OR2L13: variants seen among roughly 807,000 people sequenced by gnomAD.
OR2L13 encodes the protein olfactory receptor 2L13.
A neutral mutation model predicts 15.3 loss-of-function variants in OR2L13; 14 were observed. That is an observed-to-expected ratio of 0.91 (90% CI 0.60 to 1.43). The LOEUF (loss-of-function observed/expected upper bound fraction) is 1.43, where lower values mean the gene tolerates loss of function less well. Among genes scored for constraint, OR2L13 ranks in the 40% most tolerant of loss-of-function variants. The pLI is 0.00. For missense variants in OR2L13, 367 were observed against 387.9 expected, an observed-to-expected ratio of 0.95 and a Z score of 0.45; for synonymous variants, 152 against 142.9, an observed-to-expected ratio of 1.06 and a Z score of -0.45.
At chr1:248,043,281 A>C in the OR2L13 span, among the ~76,000 whole-genome samples, 1 of 152,204 alleles carries the variant, frequency 6.6e-6, no homozygotes, top group Non-Finnish European at 1.5e-5. Flanking sequence ...TATCAGAGAC[A>C]GTGAAATGTT....
At chr1:247,973,288 C>T in the OR2L13 span, among the ~76,000 whole-genome samples, 12 of 152,040 alleles carry the variant, frequency 7.9e-5, no homozygotes, top group African/African-American at 2.9e-4. Context: ...GGCAATTAGG[C>T]AAGAGAAAGA....
At chr1:248,070,017 A>T in the OR2L13 span, among the ~76,000 whole-genome samples, 8 of 151,934 alleles carry the variant, frequency 5.3e-5, no homozygotes, top group African/African-American at 1.7e-4. Flanking sequence ...CTCCCACACA[A>T]TAATAATGGG....
the OR2L13 span, among the ~76,000 whole-genome samples, chr1:248,050,185 A>G: frequency 6.6e-6 from 1 of 152,050 alleles, no homozygotes; most frequent in African/African-American, 2.4e-5. Context: ...TGAAATAGTG[A>G]CCAGGACTTT....
the OR2L13 span, among the ~76,000 whole-genome samples, chr1:248,044,512 C>A: frequency 1.6e-5 from 2 of 128,640 alleles, no homozygotes. Context: ...TCCTTAAAAA[C>A]GCCTTCCCCG....
At chr1:248,018,834 G>A in the OR2L13 span, among the ~76,000 whole-genome samples, 1 of 152,120 alleles carries the variant, frequency 6.6e-6, no homozygotes, top group Non-Finnish European at 1.5e-5. Flanking sequence ...CTGGGGTCCA[G>A]CATTCCACTT....
At chr1:248,006,877 C>A in the OR2L13 span, among the ~76,000 whole-genome samples, 1 of 152,306 alleles carries the variant, frequency 6.6e-6, no homozygotes, top group East Asian at 1.9e-4. Flanking sequence ...GTCACTTCGT[C>A]TTAAATTTCA....
chr1:247,979,469 T>C, the OR2L13 span, among the ~76,000 whole-genome samples: 1 of 152,210 alleles, frequency 6.6e-6, no homozygotes, highest in Admixed American at 6.5e-5. Flanking sequence ...GCTTCGTCCA[T>C]GTCCCTGCAA....
chr1:247,965,214 T>G, the OR2L13 span: 18 of 806,602 alleles, frequency 2.2e-5, no homozygotes, highest in African/African-American at 2.9e-4. Context: ...TTTGCCATTT[T>G]GTACCAGAAA....
the OR2L13 span, among the ~76,000 whole-genome samples, chr1:248,013,949 C>T: frequency 3.6e-4 from 55 of 152,030 alleles, no homozygotes; most frequent in African/African-American, 1.2e-3. Flanking sequence ...ATGTGTTTCC[C>T]GGATTGGAAG....
chr1:247,972,207 G>T, the OR2L13 span, among the ~76,000 whole-genome samples: 1 of 152,042 alleles, frequency 6.6e-6, no homozygotes, highest in Non-Finnish European at 1.5e-5. Flanking sequence ...ACAATTAAAA[G>T]AAATAGAGAA....
At chr1:248,060,669 A>G in the OR2L13 span, 2 of 1,598,698 alleles carry the variant, frequency 1.3e-6, no homozygotes, top group South Asian at 2.2e-5. Flanking sequence ...AGGAAAGAGC[A>G]CACGAATGCC....
chr1:248,007,856 G>A, the OR2L13 span, among the ~76,000 whole-genome samples: 2 of 152,138 alleles, frequency 1.3e-5, no homozygotes, highest in Non-Finnish European at 1.5e-5. Flanking sequence ...AAGGACATGA[G>A]TACTCTTTCT....
chr1:248,025,357 A>G, the OR2L13 span, among the ~76,000 whole-genome samples: 7 of 148,128 alleles, frequency 4.7e-5, no homozygotes, highest in Non-Finnish European at 8.9e-5. Context: ...AATGCTCACC[A>G]TCACTGGCCA....
the OR2L13 span, among the ~76,000 whole-genome samples, chr1:248,025,541 C>A: frequency 6.7e-6 from 1 of 149,232 alleles, no homozygotes; most frequent in South Asian, 2.1e-4. Flanking sequence ...GTCAGTGTGG[C>A]GATTCCTCAG....
chr1:247,946,586 G>C, the OR2L13 span, among the ~76,000 whole-genome samples: 1 of 152,146 alleles, frequency 6.6e-6, no homozygotes, highest in Non-Finnish European at 1.5e-5. Context: ...CAAAGGCAAG[G>C]ACTTCAATTT....
chr1:247,986,851 C>A, the OR2L13 span, among the ~76,000 whole-genome samples: 1 of 152,010 alleles, frequency 6.6e-6, no homozygotes, highest in South Asian at 2.1e-4. Context: ...TGTATTCCTA[C>A]GTATTTTATT....
the OR2L13 span, chr1:248,022,395 A>G: frequency 6.2e-7 from 1 of 1,614,156 alleles, no homozygotes; most frequent in Non-Finnish European, 8.5e-7. Flanking sequence ...ATCTTGGATG[A>G]TAGGCTCCAT....
chr1:248,021,316 A>C, the OR2L13 span, among the ~76,000 whole-genome samples: 1 of 152,212 alleles, frequency 6.6e-6, no homozygotes, highest in Admixed American at 6.5e-5. Flanking sequence ...AAGATTAGTC[A>C]TCTAAGAGTT....
At chr1:247,957,512 A>G in the OR2L13 span, among the ~76,000 whole-genome samples, 121,454 of 152,122 alleles carry the variant, frequency 0.8, 52,677 homozygotes, top group South Asian at 0.95. Flanking sequence ...AGTTTCAGAA[A>G]GAATGGTACG....
Sources: gnomAD v4.1 joint callset for allele counts (sites outside exome capture counted in the v4.1 genomes callset) on GRCh38, gnomAD v4.1.1 for gene constraint, MANE v1.5 for transcripts, NCBI Gene and HGNC (gene_info 2026-07-23, HGNC 2026-07-21) for gene names.